Variants in ENTHD1 observed in about 807,000 individuals in gnomAD.
ENTHD1 encodes ENTH domain containing 1.
Under a neutral mutation model 39.1 loss-of-function variants are expected in ENTHD1, and 23 were observed. That is an observed-to-expected ratio of 0.59 (90% CI 0.42 to 0.83). The LOEUF (loss-of-function observed/expected upper bound fraction) is 0.83. ENTHD1 is among the 40% of genes least tolerant of loss of function. The pLI is 0.00. For synonymous variants in ENTHD1, 230 were observed against 258.2 expected, an observed-to-expected ratio of 0.89 and a Z score of 1.05; for missense variants, 624 against 705.4, an observed-to-expected ratio of 0.88 and a Z score of 1.31.
At chr22:39,840,815 C>G (rs978504840) in intron 3 of ENTHD1, among the ~76,000 whole-genome samples, 1 of 151,556 alleles carries the variant, frequency 6.6e-6, no homozygotes, top group African/African-American at 2.4e-5. Context: ...AGTGCAGTGG[C>G]GTGATCTCAG....
chr22:39,766,223 G>C (rs182170410), intron 5 of ENTHD1, among the ~76,000 whole-genome samples: 1 of 152,106 alleles, frequency 6.6e-6, no homozygotes, highest in Non-Finnish European at 1.5e-5. Flanking sequence ...CTGACAATTA[G>C]TAAAATATAA....
chr22:39,786,221 G>T (rs1261462994), intron 5 of ENTHD1, among the ~76,000 whole-genome samples: 1 of 152,068 alleles, frequency 6.6e-6, no homozygotes, highest in Non-Finnish European at 1.5e-5. Context: ...GAGATGCTCA[G>T]TCTCTTCCAT....
At chr22:39,785,986 T>C (rs970119610) in intron 5 of ENTHD1, among the ~76,000 whole-genome samples, 12 of 152,190 alleles carry the variant, frequency 7.9e-5, no homozygotes, top group Non-Finnish European at 1.3e-4. Flanking sequence ...TTCTTTCCTA[T>C]TCATCAAGAA....
chr22:39,834,277 C>CTT (rs2065892606), intron 4 of ENTHD1, among the ~76,000 whole-genome samples: 2 of 152,024 alleles, frequency 1.3e-5, no homozygotes, highest in African/African-American at 4.8e-5. Flanking sequence ...GAACTCAAAA[C>CTT]TCAATGGTAA....
chr22:39,842,784 C>CA (rs2065955144), intron 3 of ENTHD1, among the ~76,000 whole-genome samples: 1 of 148,762 alleles, frequency 6.7e-6, no homozygotes, highest in Admixed American at 6.7e-5. Context: ...ACAACCCCAT[C>CA]AAAAAGTGGG....
At chr22:39,876,205 T>C (rs1397295929) in intron 2 of ENTHD1, 7 of 1,345,600 alleles carry the variant, frequency 5.2e-6, no homozygotes, top group Admixed American at 2.7e-5. Flanking sequence ...TTGAAGTTGA[T>C]TTGAAATATG....
At chr22:39,814,345 A>G (rs2146638241) in intron 5 of ENTHD1, among the ~76,000 whole-genome samples, 1 of 151,126 alleles carries the variant, frequency 6.6e-6, no homozygotes, top group East Asian at 1.9e-4. Flanking sequence ...CTGTAGTCCC[A>G]GCTACTTGGG....
intron 5 of ENTHD1, among the ~76,000 whole-genome samples, chr22:39,768,949 C>T (rs1236423287): frequency 1.3e-5 from 2 of 151,706 alleles, no homozygotes; most frequent in African/African-American, 4.9e-5. Flanking sequence ...TGTCAATAAA[C>T]AAAGTATGGA....
intron 3 of ENTHD1, among the ~76,000 whole-genome samples, chr22:39,840,523 A>G (rs1329919399): frequency 6.6e-6 from 1 of 152,360 alleles, no homozygotes; most frequent in East Asian, 1.9e-4. Context: ...TATTTAGCAT[A>G]TAATAACCAT....
chr22:39,815,441 C>A, intron 5 of ENTHD1, among the ~76,000 whole-genome samples: 1 of 148,326 alleles, frequency 6.7e-6, no homozygotes, highest in Non-Finnish European at 1.5e-5. Context: ...GAAACTCCGT[C>A]TCAAAAAAAA....
intron 4 of ENTHD1, among the ~76,000 whole-genome samples, chr22:39,826,205 A>G (rs2065825271): frequency 6.6e-6 from 1 of 152,092 alleles, no homozygotes; most frequent in African/African-American, 2.4e-5. Context: ...GTAATCCCTT[A>G]CTATCCTTTT....
intron 4 of ENTHD1, 33 bp from the exon 5 acceptor site, chr22:39,821,146 G>GA: frequency 6.2e-7 from 1 of 1,605,950 alleles, no homozygotes; most frequent in Non-Finnish European, 8.5e-7. Flanking sequence ...GAGAATTGAA[G>GA]AAAAAAATTA....
intron 3 of ENTHD1, among the ~76,000 whole-genome samples, chr22:39,855,258 T>C (rs2066075561): frequency 6.6e-6 from 1 of 152,244 alleles, no homozygotes; most frequent in South Asian, 2.1e-4. Context: ...CAATGGTTCC[T>C]AGTTGCTACT....
At chr22:39,782,380 C>T (rs1392200078) in intron 5 of ENTHD1, among the ~76,000 whole-genome samples, 1 of 151,638 alleles carries the variant, frequency 6.6e-6, no homozygotes, top group South Asian at 2.1e-4. Flanking sequence ...TGAGTTCCAC[C>T]GTAAAAAAGA....
intron 2 of ENTHD1, 99 bp from the exon 3 acceptor site, chr22:39,862,106 C>T: frequency 1.0e-6 from 1 of 999,018 alleles, no homozygotes; most frequent in Non-Finnish European, 1.3e-6. Flanking sequence ...AAAATCTCAG[C>T]AGTGAAAAAA....
In ENTHD1 at chr22:39,861,932, T is replaced by C. The variant is rs2066144762; in HGVS notation, c.425A>G (p.Glu142Gly). The change falls in exon 3 of 7, where the codon GAA (glutamate) becomes GGA (glycine). Residue 142 changes from glutamate to glycine, a missense_variant. Transcript: ENST00000325157. ...ACGCTGTCTAGTCCGACATGCCACT[T>C]CCCTCTCTTTACACAGCAATGGTTC... is the stretch of plus-strand genomic sequence containing the variant. Reference protein sequence around the residue: ...MDEPLLCKEREVACRTRQRTS... With the variant: ...MDEPLLCKERGVACRTRQRTS... 1.3e-6 allele frequency: 2 copies of C among 1,597,908 alleles called. No homozygotes were observed. Among genetic ancestry groups the C allele is most frequent in the African/African-American group, 2.7e-5 (2 of 74,796 alleles).
intron 5 of ENTHD1, among the ~76,000 whole-genome samples, chr22:39,799,571 T>C (rs937668207): frequency 1.3e-5 from 2 of 152,222 alleles, no homozygotes; most frequent in Middle Eastern, 3.4e-3. Context: ...CTCAAAAAAA[T>C]TGAATACCAG....
intron 5 of ENTHD1, 36 bp downstream of exon 5, chr22:39,820,957 C>G (rs1330444647): frequency 3.1e-6 from 5 of 1,610,510 alleles, no homozygotes; most frequent in Non-Finnish European, 4.2e-6. Context: ...AAAATAAAAT[C>G]TGATAAGTAA....
intron 5 of ENTHD1, among the ~76,000 whole-genome samples, chr22:39,795,856 C>T (rs1202506742): frequency 1.3e-5 from 2 of 152,132 alleles, no homozygotes; most frequent in South Asian, 2.1e-4. Flanking sequence ...AATTTATCAG[C>T]ATATAGTTGT....
Sources: gnomAD v4.1 joint callset for allele counts (sites outside exome capture counted in the v4.1 genomes callset) on GRCh38, gnomAD v4.1.1 for gene constraint, MANE v1.5 for transcripts, NCBI Gene and HGNC (gene_info 2026-07-23, HGNC 2026-07-21) for gene names.